ZNF618: variants seen among roughly 807,000 people sequenced by gnomAD.
The protein encoded by ZNF618 is zinc finger protein 618, also known as neural precursor cell expressed, developmentally down-regulated 10.
In ZNF618, 34 loss-of-function variants were observed where a neutral mutation model predicts 103.0. The observed-to-expected ratio is 0.33, with a 90% confidence interval of 0.25 to 0.44. ZNF618 has a LOEUF of 0.44. ZNF618 is among the 20% of genes least tolerant of loss of function. ZNF618 has a pLI of 1.00. For missense variants in ZNF618, 1,059 were observed against 1,295.4 expected (o/e 0.82, Z 2.80); for synonymous variants, 551 against 542.2 (o/e 1.02, Z -0.23).
chr9:113,947,419 A>G (rs143881510), intron 1 of ZNF618, among the ~76,000 whole-genome samples: 87 of 152,334 alleles, frequency 5.7e-4, no homozygotes, highest in African/African-American at 2.1e-3. Flanking sequence ...GGGAATAATT[A>G]TAATGTACTC....
chr9:113,880,486 G>A (rs536652722), intron 1 of ZNF618, among the ~76,000 whole-genome samples: 1 of 152,286 alleles, frequency 6.6e-6, no homozygotes, highest in African/African-American at 2.4e-5. Context: ...GGATTCTGAG[G>A]CCATATCCCG....
intron 6 of ZNF618, 46 bp downstream of exon 6, chr9:114,002,708 G>A: frequency 2.5e-6 from 4 of 1,601,946 alleles, no homozygotes; most frequent in Middle Eastern, 3.3e-4. Flanking sequence ...GCGAGGGCTT[G>A]GGGTGGGATG....
At chr9:113,888,452 A>G (rs1042306834) in intron 1 of ZNF618, among the ~76,000 whole-genome samples, 4 of 152,262 alleles carry the variant, frequency 2.6e-5, no homozygotes, top group Non-Finnish European at 4.4e-5. Context: ...GTTTGAAAAC[A>G]GTTGCAGAAG....
At chr9:113,885,164 C>T (rs767159988) in intron 1 of ZNF618, among the ~76,000 whole-genome samples, 28 of 152,040 alleles carry the variant, frequency 1.8e-4, no homozygotes, top group Non-Finnish European at 3.5e-4. Flanking sequence ...GTGTAAGTGA[C>T]GTGGCAGTGG....
At chr9:113,883,453 T>G (rs1828722930) in intron 1 of ZNF618, among the ~76,000 whole-genome samples, 1 of 152,026 alleles carries the variant, frequency 6.6e-6, no homozygotes, top group South Asian at 2.1e-4. Flanking sequence ...ATGCCTGGTC[T>G]TCTTAGCCAG....
Position 114,027,644 on chromosome 9 carries a change from C to T in ZNF618, c.845-1089C>T, listed in dbSNP as rs546551127. On this transcript the variant is annotated intron_variant, in intron 10 of 14. Transcript: ENST00000374126. ...AGCAGAGGTGGCGGGCCAGGGGGCC[C>T]TTTCATTTAGGCTCTGCATACAGTG... 2.6e-5 allele frequency among the ~76,000 whole-genome samples: 4 copies of T among 152,342 alleles called. No individual in the cohort carries two copies. In the South Asian group the frequency reaches 8.3e-4, roughly 32 times the overall value.
In ZNF618 at chr9:113,926,705, A is replaced by AT. The variant is rs375448609; in HGVS notation, c.34-42406dup. Among the ~76,000 whole-genome samples, 153 of 151,948 alleles carry AT rather than the reference A, an allele frequency of 1.0e-3. 3 individuals are homozygous for AT. Among genetic ancestry groups the AT allele is most frequent in the Non-Finnish European group, 3.2e-4 (22 of 67,978 alleles). On this transcript the variant is annotated intron_variant, in intron 1 of 14. Coordinates refer to ENST00000374126, the MANE Select transcript of ZNF618 (RefSeq NM_001318042.2). ...CCTTTTCCATTAGAGCACTTTGTGTATTTTTTACTGGTATTTTAAATTCCC... is the reference window on the plus strand; with the variant it reads ...CCTTTTCCATTAGAGCACTTTGTGTATTTTTTTACTGGTATTTTAAATTCCC...
At chr9:114,041,741 A>G (rs1845202362) in intron 13 of ZNF618, among the ~76,000 whole-genome samples, 1 of 152,156 alleles carries the variant, frequency 6.6e-6, no homozygotes, top group African/African-American at 2.4e-5. Context: ...GCCTTGTAGT[A>G]TAGTTTGAAG....
intron 13 of ZNF618, among the ~76,000 whole-genome samples, chr9:114,040,342 T>C (rs1845037328): frequency 6.6e-6 from 1 of 151,352 alleles, no homozygotes; most frequent in Non-Finnish European, 1.5e-5. Flanking sequence ...TCTTTCTTTT[T>C]TTTTTTTTTA....
chr9:113,906,788 T>G (rs34727401), intron 1 of ZNF618, among the ~76,000 whole-genome samples: 32,881 of 152,128 alleles, frequency 0.22, 3,803 homozygotes, highest in Non-Finnish European at 0.25. Context: ...CAGAAACTCA[T>G]CTCAAACTTG....
rs1235003223 is a variant in ZNF618 at position 114,055,344 on chromosome 9, C to T, written c.*5177C>T. The T allele has an allele frequency of 1.3e-5, 2 of 152,680 alleles. No homozygotes were observed. Among genetic ancestry groups the T allele is most frequent in the African/African-American group, 4.8e-5 (2 of 41,454 alleles). 9.5% of individuals were successfully genotyped at this position (152,680 alleles called of 1,614,324 possible). A position where few individuals can be genotyped will look rare whatever the true frequency, so the allele number is the denominator to read the frequency against. On this transcript the variant is annotated 3_prime_UTR_variant, in exon 15 of 15. Transcript: ENST00000374126. The stretch of plus-strand genomic sequence containing the variant: ...TGACCCGGGGCTGGGCCTCGCCAGC[C>T]AGGAGAGAGCGAGGGCCGCACGGCA...
chr9:113,904,856 T>C (rs1218637445), intron 1 of ZNF618, among the ~76,000 whole-genome samples: 1 of 152,190 alleles, frequency 6.6e-6, no homozygotes, highest in East Asian at 1.9e-4. Context: ...TCTGCCTCCC[T>C]CTTCCACTTA....
intron 13 of ZNF618, among the ~76,000 whole-genome samples, chr9:114,038,887 A>G (rs12686226): frequency 0.29 from 43,848 of 152,134 alleles, 8,024 homozygotes; most frequent in East Asian, 0.62. Flanking sequence ...AGTATCCAAT[A>G]GCATTTGAGC....
At chr9:114,013,469 C>A (rs1033892410) in intron 9 of ZNF618, among the ~76,000 whole-genome samples, 2 of 152,114 alleles carry the variant, frequency 1.3e-5, no homozygotes, top group South Asian at 4.1e-4. Flanking sequence ...CTCACTCTGT[C>A]GCCCAGGCTG....
intron 1 of ZNF618, among the ~76,000 whole-genome samples, chr9:113,943,611 A>G (rs1323274358): frequency 3.3e-5 from 5 of 151,802 alleles, no homozygotes; most frequent in Non-Finnish European, 7.4e-5. Flanking sequence ...TTTTTAAGAA[A>G]AGCTGTAAAT....
intron 1 of ZNF618, among the ~76,000 whole-genome samples, chr9:113,968,078 CA>C (rs1237821562): frequency 6.6e-6 from 1 of 152,014 alleles, no homozygotes; most frequent in African/African-American, 2.4e-5. Flanking sequence ...TCCTGAAATT[CA>C]AAAAAACTCA....
At position 114,050,206 on chromosome 9, in the gene ZNF618, T is replaced by G; in HGVS notation, c.*39T>G. 6.6e-7 allele frequency: 1 copy of G among 1,507,088 alleles called. No homozygotes were observed. The highest frequency in any genetic ancestry group is 2.3e-5 in the East Asian group (1 of 43,978). 93.4% of individuals were successfully genotyped at this position (1,507,088 alleles called of 1,614,324 possible). ...GGGAAAAAAAAAGAAAAAGAGAAGA[T>G]AACATTAGAAAAAAACCACACAACA... On this transcript the variant is annotated 3_prime_UTR_variant, in exon 15 of 15. Coordinates refer to ENST00000374126, the MANE Select transcript of ZNF618 (RefSeq NM_001318042.2).
At chr9:114,018,717 C>CT (rs1842835397) in intron 10 of ZNF618, among the ~76,000 whole-genome samples, 1 of 152,208 alleles carries the variant, frequency 6.6e-6, no homozygotes, top group Non-Finnish European at 1.5e-5. Context: ...GTCTACTTTT[C>CT]TTTCTGTGTT....
chr9:114,029,680 G>A (rs148851779), intron 11 of ZNF618, among the ~76,000 whole-genome samples: 2 of 152,100 alleles, frequency 1.3e-5, no homozygotes, highest in African/African-American at 4.8e-5. Flanking sequence ...AACAAAGCAG[G>A]ATAAGCCGGA....
Sources: allele counts gnomAD v4.1 joint callset (sites outside exome capture counted in the v4.1 genomes callset), GRCh38; gene constraint gnomAD v4.1.1; transcripts MANE v1.5; gene names NCBI Gene and HGNC (gene_info 2026-07-23, HGNC 2026-07-21).